The following LIN7A variants were observed in gnomAD, a reference collection of about 807,000 sequenced individuals.
LIN7A encodes lin-7 cell polarity scaffold A.
Under a neutral mutation model 29.8 loss-of-function variants are expected in LIN7A, and 25 were observed. That is an observed-to-expected ratio of 0.84 (90% CI 0.61 to 1.17). The LOEUF (loss-of-function observed/expected upper bound fraction) is 1.17, where lower values mean the gene tolerates loss of function less well. Ranked by LOEUF, LIN7A falls within the 50% of genes most tolerant of loss-of-function variation. The pLI is 0.00. For missense variants in LIN7A, 239 were observed against 287.0 expected, an observed-to-expected ratio of 0.83 and a Z score of 1.21; for synonymous variants, 118 against 107.5, an observed-to-expected ratio of 1.10 and a Z score of -0.60.
chr12:80,804,508 A>G (rs926385277), intron 5 of LIN7A, among the ~76,000 whole-genome samples: 1 of 151,834 alleles, frequency 6.6e-6, no homozygotes, highest in Non-Finnish European at 1.5e-5. Context: ...TTCACTGAAA[A>G]TAATGATCTC....
intron 1 of LIN7A, among the ~76,000 whole-genome samples, chr12:80,914,986 C>T (rs1397415362): frequency 6.6e-6 from 1 of 151,776 alleles, no homozygotes; most frequent in Non-Finnish European, 1.5e-5. Flanking sequence ...GCAACAAAAA[C>T]AAAAATTGAC....
intron 2 of LIN7A, among the ~76,000 whole-genome samples, chr12:80,864,481 C>T (rs910274209): frequency 6.6e-6 from 1 of 152,042 alleles, no homozygotes; most frequent in Non-Finnish European, 1.5e-5. Flanking sequence ...AGGAAGTAGA[C>T]ATGTGTTTTC....
intron 1 of LIN7A, among the ~76,000 whole-genome samples, chr12:80,913,180 A>T (rs1020209437): frequency 6.6e-6 from 1 of 152,220 alleles, no homozygotes; most frequent in Non-Finnish European, 1.5e-5. Flanking sequence ...ATGCATCTAC[A>T]TATTTTGCTA....
At chr12:80,906,473 T>C (rs1876479149) in intron 1 of LIN7A, among the ~76,000 whole-genome samples, 1 of 152,126 alleles carries the variant, frequency 6.6e-6, no homozygotes, top group Non-Finnish European at 1.5e-5. Flanking sequence ...TCTTTGAGTT[T>C]ATGGTTTTTC....
At chr12:80,805,619 G>A (rs1327078907) in intron 5 of LIN7A, among the ~76,000 whole-genome samples, 1 of 151,922 alleles carries the variant, frequency 6.6e-6, no homozygotes, top group Non-Finnish European at 1.5e-5. Context: ...TATTTTTTGA[G>A]AATCTGGGTG....
intron 1 of LIN7A, among the ~76,000 whole-genome samples, chr12:80,907,362 T>C (rs1876538692): frequency 6.6e-6 from 1 of 152,194 alleles, no homozygotes; most frequent in South Asian, 2.1e-4. Flanking sequence ...TAAGGACATA[T>C]GTGCTTAACC....
At chr12:80,805,293 G>A (rs11114623) in intron 5 of LIN7A, among the ~76,000 whole-genome samples, 5 of 151,996 alleles carry the variant, frequency 3.3e-5, no homozygotes, top group Non-Finnish European at 7.4e-5. Context: ...GTGACTAGGC[G>A]GATAGTTTTC....
At chr12:80,925,149 C>T (rs546227523) in intron 1 of LIN7A, among the ~76,000 whole-genome samples, 4 of 152,166 alleles carry the variant, frequency 2.6e-5, no homozygotes, top group East Asian at 1.9e-4. Context: ...GCAATGAGTA[C>T]GGAAAGATAT....
intron 2 of LIN7A, chr12:80,860,890 A>G (rs1357636970): frequency 1.3e-5 from 2 of 152,222 alleles, no homozygotes; most frequent in African/African-American, 2.4e-5. Flanking sequence ...CTCTTCATCA[A>G]CTAACCTTGA....
intron 1 of LIN7A, among the ~76,000 whole-genome samples, chr12:80,899,530 A>G (rs1565921134): frequency 6.6e-6 from 1 of 151,760 alleles, no homozygotes; most frequent in Admixed American, 6.6e-5. Flanking sequence ...CTCCTTTTCA[A>G]TTTTTTTGGA....
chr12:80,878,548 A>C (rs968796010), intron 2 of LIN7A, among the ~76,000 whole-genome samples: 2 of 152,192 alleles, frequency 1.3e-5, no homozygotes, highest in Non-Finnish European at 2.9e-5. Flanking sequence ...CCAAAGAGTG[A>C]GCAGCAGCAA....
chr12:80,843,774 A>G (rs938320598), intron 4 of LIN7A, among the ~76,000 whole-genome samples: 1 of 152,122 alleles, frequency 6.6e-6, no homozygotes, highest in African/African-American at 2.4e-5. Context: ...CCATAATCAT[A>G]TGAATATTGA....
chr12:80,848,122 A>C, intron 3 of LIN7A, 129 bp downstream of exon 3: 1 of 734,166 alleles, frequency 1.4e-6, no homozygotes, highest in Non-Finnish European at 2.5e-6. Context: ...CTGGTTCTAG[A>C]CTCTGGGCTG....
At chr12:80,872,327 T>C (rs1169309778) in intron 2 of LIN7A, among the ~76,000 whole-genome samples, 1 of 152,156 alleles carries the variant, frequency 6.6e-6, no homozygotes, top group Admixed American at 6.5e-5. Flanking sequence ...GAGCCAAAAT[T>C]AATTAAGGCA....
chr12:80,807,083 T>TTTTTTTTTTTTTTTTTTTTTTTTG (rs1555221413), intron 5 of LIN7A, among the ~76,000 whole-genome samples: 6 of 137,206 alleles, frequency 4.4e-5, no homozygotes, highest in Non-Finnish European at 6.3e-5. Context: ...TTTTTTTTTT[T>TTTTTTTTTTTTTTTTTTTTTTTTG]TTTTTTTTGA....
At chr12:80,856,909 T>G (rs940318845) in intron 2 of LIN7A, among the ~76,000 whole-genome samples, 10 of 152,222 alleles carry the variant, frequency 6.6e-5, no homozygotes, top group Non-Finnish European at 1.3e-4. Context: ...AACGTGATAC[T>G]TTGGGATTAA....
intron 2 of LIN7A, among the ~76,000 whole-genome samples, chr12:80,870,127 G>A (rs1238032156): frequency 6.6e-6 from 1 of 152,046 alleles, no homozygotes. Context: ...CAATGCACAT[G>A]GTATGTCCTC....
chr12:80,895,325 G>A (rs1034148691), intron 1 of LIN7A, among the ~76,000 whole-genome samples: 3 of 152,132 alleles, frequency 2.0e-5, no homozygotes, highest in Admixed American at 6.5e-5. Flanking sequence ...GAATTTAAAA[G>A]GGATGAGCTT....
chr12:80,818,844 GT>G (rs1446382358), intron 4 of LIN7A, among the ~76,000 whole-genome samples: 1 of 152,178 alleles, frequency 6.6e-6, no homozygotes, highest in African/African-American at 2.4e-5. Flanking sequence ...CATCTTAAGG[GT>G]TTCTCTACAA....
Sources: gnomAD v4.1 joint callset for allele counts (sites outside exome capture counted in the v4.1 genomes callset) on GRCh38, gnomAD v4.1.1 for gene constraint, MANE v1.5 for transcripts, NCBI Gene and HGNC (gene_info 2026-07-23, HGNC 2026-07-21) for gene names.